SNURF: variants seen among roughly 807,000 people sequenced by gnomAD.
SNURF encodes SNURF protein.
SNURF carries 6 observed loss-of-function variants against 11.6 expected under a neutral mutation model. That is an observed-to-expected ratio of 0.52 (90% CI 0.28 to 1.02). The LOEUF (loss-of-function observed/expected upper bound fraction) is 1.02. Among genes scored for constraint, SNURF ranks in the 50% least tolerant of loss-of-function variants. The pLI, the probability that SNURF is intolerant of heterozygous loss-of-function variation, is 0.09. For synonymous variants in SNURF, 29 were observed against 31.6 expected, an observed-to-expected ratio of 0.92 and a Z score of 0.27; for missense variants, 84 against 88.4, an observed-to-expected ratio of 0.95 and a Z score of 0.20.
chr15:24,975,606 T>C, intron 4 of SNURF: 1 of 978,348 alleles, frequency 1.0e-6, no homozygotes, highest in Non-Finnish European at 1.6e-6. Context: ...ACTGAAGTAG[T>C]TAGGGAAACT....
chr15:24,971,479 ACTC>A (rs1566970642), downstream of SNURF, among the ~76,000 whole-genome samples: 1 of 151,514 alleles, frequency 6.6e-6, no homozygotes, highest in African/African-American at 2.4e-5. Flanking sequence ...TAGGAGGTCA[ACTC>A]CTATTGTGAG....
At chr15:24,968,170 A>T (rs995848815) in exon 3 of SNURF, 13 of 811,808 alleles carry the variant, frequency 1.6e-5, no homozygotes, top group Middle Eastern at 2.4e-4. Flanking sequence ...TGACACATTA[A>T]TTTTTTTCCT....
exon 3 of SNURF, chr15:24,967,973 C>A (rs763207021): frequency 6.2e-7 from 1 of 1,614,030 alleles, no homozygotes; most frequent in African/African-American, 1.3e-5. Context: ...CAGCAAGTAC[C>A]TGTGGTGGAT....
intron 1 of SNURF, among the ~76,000 whole-genome samples, chr15:24,955,433 C>T (rs979014877): frequency 3.3e-5 from 5 of 151,148 alleles, no homozygotes; most frequent in Non-Finnish European, 7.4e-5. Context: ...TTCCGTGTGG[C>T]GAGGGTACGT....
Position 24,974,967 on chromosome 15 carries a change from C to G in SNURF, c.*46-391C>G, listed in dbSNP as rs1007843671. ...GATGATGGACTCTCAGGTCAGATTA[C>G]AATAGAAATAAAGAGGGCTTTGAAA... On this transcript the variant is annotated intron_variant and NMD_transcript_variant, in intron 3 of 6. Transcript: ENST00000580062. 12 of 702,844 alleles carry G rather than the reference C, an allele frequency of 1.7e-5. No homozygotes were observed. The African/African-American group carries it at 1.9e-4, about 11-fold the overall frequency. 43.5% of individuals were successfully genotyped at this position (702,844 alleles called of 1,614,324 possible).
At chr15:24,956,637 T>A (rs1309841262) in intron 1 of SNURF, among the ~76,000 whole-genome samples, 2 of 152,154 alleles carry the variant, frequency 1.3e-5, no homozygotes, top group Non-Finnish European at 2.9e-5. Flanking sequence ...CTGGAAGGAA[T>A]GGCAGCCCTC....
At chr15:24,965,964 C>T (rs1377511424) in intron 2 of SNURF, among the ~76,000 whole-genome samples, 1 of 151,994 alleles carries the variant, frequency 6.6e-6, no homozygotes, top group East Asian at 1.9e-4. Context: ...GGAGAATGCC[C>T]AAATTAAGAT....
intron 2 of SNURF, among the ~76,000 whole-genome samples, chr15:24,966,361 C>T (rs937632698): frequency 2.0e-5 from 3 of 152,156 alleles, no homozygotes; most frequent in African/African-American, 7.2e-5. Flanking sequence ...CTTCCCTGTC[C>T]TCAGGATGCA....
chr15:24,960,414 C>A lies in SNURF; in HGVS notation c.15-1700C>A, dbSNP rs113260578. ...GTGTGCCAGTGGCATGATCTCAGGT[C>A]ACTGCAACCTCTGCCTCCTAGGCTC... On this transcript the variant is annotated intron_variant, in intron 1 of 2. Transcript: ENST00000577949. Among the ~76,000 whole-genome samples, 606 of 152,096 alleles carry A rather than the reference C, an allele frequency of 4.0e-3. 6 individuals are homozygous for A. The highest frequency in any genetic ancestry group is 0.014 in the African/African-American group (562 of 41,506).
intron 5 of SNURF, among the ~76,000 whole-genome samples, chr15:24,976,719 T>A (rs2153702904): frequency 6.6e-6 from 1 of 152,378 alleles, no homozygotes; most frequent in Middle Eastern, 3.4e-3. Context: ...ATACACAAGA[T>A]ACCTCCATGG....
At chr15:24,969,133 A>T (rs61999155), downstream of SNURF, among the ~76,000 whole-genome samples, 778 of 151,798 alleles carry the variant, frequency 5.1e-3, 2 homozygotes, top group Non-Finnish European at 8.6e-3. Flanking sequence ...GTTATTAATT[A>T]ATTTATTTAT....
downstream of SNURF, among the ~76,000 whole-genome samples, chr15:24,969,903 C>G (rs1007578507): frequency 2.0e-5 from 3 of 152,100 alleles, no homozygotes; most frequent in Non-Finnish European, 4.4e-5. Context: ...ATTGGTGCTA[C>G]GGTGGTGCAG....
In SNURF at chr15:24,967,953, T is replaced by C. The variant is rs150955815; in HGVS notation, c.132T>C (p.Arg44=). The change falls in exon 3 of 3, where the codon CGT becomes CGC. Residue 44 remains arginine, a synonymous_variant. Coordinates refer to ENST00000577949, the Ensembl canonical transcript of SNURF. ...GTAGGTGTCAGTTGTACCCGAGGCGTTCTCAGCAGCAGCAAGTACCTGTGG... is the reference window on the plus strand; with the variant it reads ...GTAGGTGTCAGTTGTACCCGAGGCGCTCTCAGCAGCAGCAAGTACCTGTGG... 22 of 1,614,054 alleles carry C rather than the reference T, an allele frequency of 1.4e-5. No individual in the cohort carries two copies. In the African/African-American group the frequency reaches 2.9e-4, roughly 22 times the overall value.
At chr15:24,957,886 A>G (rs1265092387) in intron 1 of SNURF, among the ~76,000 whole-genome samples, 1 of 152,132 alleles carries the variant, frequency 6.6e-6, no homozygotes, top group Non-Finnish European at 1.5e-5. Context: ...AATATGGCAG[A>G]TCCCTTTGGA....
At chr15:24,968,582 C>T (rs535707697), downstream of SNURF, among the ~76,000 whole-genome samples, 8 of 152,034 alleles carry the variant, frequency 5.3e-5, no homozygotes, top group South Asian at 8.3e-4. Flanking sequence ...TCATTGCTTT[C>T]GAAAAATAAA....
chr15:24,962,048 T>C, intron 1 of SNURF, 66 bp from the exon 2 acceptor site: 3 of 1,301,206 alleles, frequency 2.3e-6, no homozygotes, highest in Non-Finnish European at 3.4e-6. Flanking sequence ...AAATATAACC[T>C]TGACAAATAG....
chr15:24,958,486 GTTTTTTTTTTTTT>G (rs71127030), intron 1 of SNURF, among the ~76,000 whole-genome samples: 52 of 65,300 alleles, frequency 8.0e-4, no homozygotes, highest in South Asian at 2.0e-3. Context: ...CTGGCTCAAA[GTTTTTTTTTTTTT>G]TTTTTTTTTT....
intron 2 of SNURF, among the ~76,000 whole-genome samples, chr15:24,966,538 C>G (rs1054822353): frequency 6.6e-6 from 1 of 152,126 alleles, no homozygotes. Context: ...CTCAAAACCC[C>G]AACCCTTTAG....
At chr15:24,973,571 T>G (rs558802206), downstream of SNURF, among the ~76,000 whole-genome samples, 24 of 151,898 alleles carry the variant, frequency 1.6e-4, no homozygotes, top group Non-Finnish European at 2.6e-4. Flanking sequence ...CTAATTTTTT[T>G]GTATTTCTAG....
Sources: gnomAD v4.1 joint callset for allele counts (sites outside exome capture counted in the v4.1 genomes callset) on GRCh38, gnomAD v4.1.1 for gene constraint, MANE v1.5 for transcripts, NCBI Gene and HGNC (gene_info 2026-07-23, HGNC 2026-07-21) for gene names.